Variants in SERINC2 observed in about 807,000 individuals in gnomAD.
SERINC2 encodes tumor differentially expressed protein 2.
SERINC2 carries 56 observed loss-of-function variants against 54.2 expected under a neutral mutation model. The observed-to-expected ratio is 1.03, with a 90% CI of 0.83 to 1.29. The LOEUF (loss-of-function observed/expected upper bound fraction) is 1.29, where lower values mean the gene tolerates loss of function less well. Among genes scored for constraint, SERINC2 ranks in the 50% most tolerant of loss-of-function variants. SERINC2 has a pLI of 0.00. For missense variants in SERINC2, 614 were observed against 607.4 expected, an observed-to-expected ratio of 1.01 and a Z score of -0.12; for synonymous variants, 272 against 253.1, an observed-to-expected ratio of 1.07 and a Z score of -0.71.
chr1:31,410,936 G>C (rs1553131405), upstream of SERINC2, among the ~76,000 whole-genome samples: 1 of 152,202 alleles, frequency 6.6e-6, no homozygotes, highest in East Asian at 1.9e-4. Context: ...GAGACTGCTT[G>C]GTGGCATTTC....
At chr1:31,414,860 C>A in intron 1 of SERINC2, 1 of 776,536 alleles carries the variant, frequency 1.3e-6, no homozygotes, top group Non-Finnish European at 1.6e-6. Context: ...TTGGTCACCC[C>A]ATCTGGCAGT....
rs1553133524 is a variant in SERINC2, at chr1:31,425,897, C to T, written c.594C>T (p.Ser198=). 6.2e-7 allele frequency: 1 copy of T among 1,612,350 alleles called. No individual in the cohort carries two copies. Among genetic ancestry groups the T allele is most frequent in the African/African-American group, 1.3e-5 (1 of 75,058 alleles). ...TGGGCAAGGCCGAGGAGTGCGATTC[C>T]CGTGCCTGGTACGCAGGTCAGTGCT... ...RWLGKAEECD[S]RAWYAGLFFF... Residue 198 remains serine (S), a synonymous_variant, in exon 5 of 10, where the codon TCC becomes TCT. Transcript: ENST00000373709.
chr1:31,430,280 G>A (rs1359535509), intron 8 of SERINC2, among the ~76,000 whole-genome samples: 6 of 152,192 alleles, frequency 3.9e-5, no homozygotes, highest in African/African-American at 7.2e-5. Flanking sequence ...TTGGGAGGCC[G>A]AGGTGGGAGG....
Position 31,423,794 on chromosome 1 carries a change from C to T in SERINC2, c.141C>T (p.Phe47=), listed in dbSNP as rs2148517843. 1 of 1,614,090 alleles carries T rather than the reference C, an allele frequency of 6.2e-7. No individual in the cohort carries two copies. The highest frequency in any genetic ancestry group is 1.1e-5 in the South Asian group (1 of 91,088). ...VSRLIFTFFL[F]LGVLVSIIML... is the part of the protein sequence containing the mutation. ...GCCTCATCTTCACGTTCTTCCTCTTCCTGGGGGTGCTGGTGTCCATCATTA... is the reference window on the plus strand; with the variant it reads ...GCCTCATCTTCACGTTCTTCCTCTTTCTGGGGGTGCTGGTGTCCATCATTA... Residue 47 remains phenylalanine, a synonymous_variant, in exon 2 of 10, where the codon TTC becomes TTT. Coordinates refer to ENST00000373709, the MANE Select transcript of SERINC2 (RefSeq NM_178865.5).
chr1:31,418,822 C>T (rs1339319210), intron 1 of SERINC2, among the ~76,000 whole-genome samples: 1 of 152,168 alleles, frequency 6.6e-6, no homozygotes, highest in Non-Finnish European at 1.5e-5. Flanking sequence ...ACAGCCTGTT[C>T]ACATAATGCC....
chr1:31,413,711 A>T lies in SERINC2; in HGVS notation c.39+407A>T. ...TCCCGGACGCCCTGGTTCTCTGTGT[A>T]GGTCGCCCGGGCCCCGTCCCTCCTG... On this transcript the variant is annotated intron_variant, in intron 1 of 9. Transcript: ENST00000373709. The surrounding 1 kb of genome is among the most constrained non-coding windows in gnomAD (Gnocchi z 5.0). 1.6e-6 allele frequency: 2 copies of T among 1,270,676 alleles called. No homozygotes were observed. Among genetic ancestry groups the T allele is most frequent in the Non-Finnish European group, 2.0e-6 (2 of 996,960 alleles). The allele number at this position is 1,270,676 out of a possible 1,614,324, so 78.7% of individuals were successfully genotyped here. A position where few individuals can be genotyped will look rare whatever the true frequency, so the allele number is the denominator to read the frequency against.
chr1:31,426,389 C>T lies in SERINC2; in HGVS notation c.611-265C>T, dbSNP rs114742087. 1.4e-4 allele frequency among the ~76,000 whole-genome samples: 21 copies of T among 152,272 alleles called. 1 individual carries two copies. The highest frequency in any genetic ancestry group is 4.6e-4 in the African/African-American group (19 of 41,542). ...GAGGGCAGGTCAACAGCCTGTACCT[C>T]GTTCAGTTTTTGCAAGACTGTTTTG... On this transcript the variant is annotated intron_variant, in intron 5 of 9. Coordinates refer to ENST00000373709, the MANE Select transcript of SERINC2 (RefSeq NM_178865.5).
At chr1:31,426,234 G>A (rs1241024851) in intron 5 of SERINC2, among the ~76,000 whole-genome samples, 1 of 152,070 alleles carries the variant, frequency 6.6e-6, no homozygotes, top group African/African-American at 2.4e-5. Context: ...AGTGACACCT[G>A]GTCCCTGAAA....
chr1:31,413,864 C>A lies in SERINC2; in HGVS notation c.39+560C>A. On this transcript the variant is annotated intron_variant, in intron 1 of 9. Transcript: ENST00000373709. The surrounding 1 kb of genome is among the most constrained non-coding windows in gnomAD (Gnocchi z 5.0). The stretch of plus-strand genomic sequence containing the variant: ...CGTCGTTCGTCCGACTGTCTTTGTC[C>A]GTCTGCTGTCTTCTGTCCGTCTGCC... 2 of 1,432,232 alleles carry A rather than the reference C, an allele frequency of 1.4e-6. No individual in the cohort carries two copies. The highest frequency in any genetic ancestry group is 1.8e-6 in the Non-Finnish European group (2 of 1,099,286). The allele number at this position is 1,432,232 out of a possible 1,614,324, so 88.7% of individuals were successfully genotyped here. A position where few individuals can be genotyped will look rare whatever the true frequency, so the allele number is the denominator to read the frequency against.
At position 31,423,813 on chromosome 1, in the gene SERINC2, A is replaced by G. The variant is rs782815579; in HGVS notation, c.160A>G (p.Ile54Val). 3 of 1,613,862 alleles carry G rather than the reference A, an allele frequency of 1.9e-6. No homozygotes were observed. Among genetic ancestry groups the G allele is most frequent in the African/African-American group, 2.7e-5 (2 of 74,900 alleles). The change falls in exon 2 of 10, where the codon ATC becomes GTC. Residue 54 changes from isoleucine to valine, a missense_variant. Coordinates refer to ENST00000373709, the MANE Select transcript of SERINC2 (RefSeq NM_178865.5). ...FFLFLGVLVS[I>V]IMLSPGVESQ... is the part of the protein sequence containing the mutation. ...CCTCTTCCTGGGGGTGCTGGTGTCC[A>G]TCATTATGCTGAGCCCGGGCGTGGA...
At chr1:31,429,598 G>T (rs782145725) in intron 8 of SERINC2, 60 bp downstream of exon 8, 2 of 1,523,406 alleles carry the variant, frequency 1.3e-6, no homozygotes, top group Non-Finnish European at 1.8e-6. Flanking sequence ...GCCAGAGTGA[G>T]GGGAGGGTGT....
chr1:31,413,327 G>C lies in SERINC2; in HGVS notation c.39+23G>C, dbSNP rs1213842221. The C allele has an allele frequency of 2.5e-6, 3 of 1,223,334 alleles. No homozygotes were observed. The highest frequency in any genetic ancestry group is 3.1e-6 in the Non-Finnish European group (3 of 974,018). The allele number at this position is 1,223,334 out of a possible 1,614,324, so 75.8% of individuals were successfully genotyped here. A position where few individuals can be genotyped will look rare whatever the true frequency, so the allele number is the denominator to read the frequency against. ...TGCGTGAGTCCCGACCCCGGCGCCC[G>C]CCCGCGCGCGCCGCCCGTTCCTGCT... is the stretch of plus-strand genomic sequence containing the variant. On this transcript the variant is annotated intron_variant, in intron 1 of 9. Transcript: ENST00000373709. The surrounding 1 kb of genome is among the most constrained non-coding windows in gnomAD (Gnocchi z 5.0).
At chr1:31,415,719 C>G (rs935701597) in intron 1 of SERINC2, among the ~76,000 whole-genome samples, 10 of 152,206 alleles carry the variant, frequency 6.6e-5, no homozygotes, top group African/African-American at 2.4e-4. Flanking sequence ...GACACCAGTA[C>G]CATCCTGTTG....
chr1:31,425,248 G>C, intron 3 of SERINC2, 82 bp from the exon 4 acceptor site: 2 of 1,025,046 alleles, frequency 2.0e-6, no homozygotes, highest in Non-Finnish European at 1.6e-6. Context: ...GTGGGTGGGG[G>C]CTCTGGGGCC....
chr1:31,413,793 C>T lies in SERINC2; in HGVS notation c.39+489C>T, dbSNP rs544093454. On this transcript the variant is annotated intron_variant, in intron 1 of 9. Transcript: ENST00000373709. This position sits in a 1 kb window ranked among gnomAD's most constrained non-coding sequence, Gnocchi z 5.0. ...TGCCAGTCCGCCTGTTCCTGTCGCT[C>T]GGGCTCCGCCTGTCCGTTCGTATTT... The T allele has an allele frequency of 6.6e-6, 9 of 1,371,280 alleles. No individual in the cohort carries two copies. Among genetic ancestry groups the T allele is most frequent in the Non-Finnish European group, 7.5e-6 (8 of 1,068,838 alleles). 84.9% of individuals were successfully genotyped at this position (1,371,280 alleles called of 1,614,324 possible).
chr1:31,418,469 G>A (rs377222014), intron 1 of SERINC2, among the ~76,000 whole-genome samples: 32 of 152,180 alleles, frequency 2.1e-4, no homozygotes, highest in African/African-American at 6.7e-4. Context: ...TCTGCCTCCC[G>A]GGTTCAAGCG....
intron 1 of SERINC2, among the ~76,000 whole-genome samples, chr1:31,420,761 A>G (rs1187064470): frequency 2.0e-5 from 3 of 152,168 alleles, no homozygotes; most frequent in Non-Finnish European, 2.9e-5. Context: ...TTACCACACA[A>G]TTCATAGCAT....
chr1:31,422,647 C>T (rs371002182), intron 1 of SERINC2, among the ~76,000 whole-genome samples: 7 of 152,132 alleles, frequency 4.6e-5, no homozygotes, highest in African/African-American at 1.7e-4. Flanking sequence ...GAAGGCAAGG[C>T]CTATGTCTGT....
intron 2 of SERINC2, 79 bp from the exon 3 acceptor site, chr1:31,424,604 C>A: frequency 7.9e-7 from 1 of 1,271,560 alleles, no homozygotes; most frequent in Non-Finnish European, 1.1e-6. Flanking sequence ...CTTGGGAGAC[C>A]AGGGCTCTGG....
Sources: allele counts gnomAD v4.1 joint callset (sites outside exome capture counted in the v4.1 genomes callset), GRCh38; gene constraint gnomAD v4.1.1; non-coding constraint Gnocchi (gnomAD v3.1); transcripts MANE v1.5; gene names NCBI Gene and HGNC (gene_info 2026-07-23, HGNC 2026-07-21).